The following DMD variants were observed in gnomAD, a reference collection of about 807,000 sequenced individuals.
DMD encodes dystrophin.
A neutral mutation model predicts 330.1 loss-of-function variants in DMD; 63 were observed. That is an observed-to-expected ratio of 0.19 (90% confidence interval 0.16 to 0.24). The LOEUF (loss-of-function observed/expected upper bound fraction) is 0.24. Ranked by LOEUF, DMD falls within the 10% of genes least tolerant of loss-of-function variation. The pLI, the probability that DMD is intolerant of heterozygous loss-of-function variation, is 1.00. For synonymous variants in DMD, 1,223 were observed against 959.8 expected (o/e 1.27, Z -5.07); for missense variants, 3,344 against 2,684.1 (o/e 1.25, Z -5.43).
rs58920881 is a variant in DMD, at chrX:32,784,006, T to TG, written c.649+25486dup. Among the ~76,000 whole-genome samples, 307 of 90,459 alleles carry TG rather than the reference T, an allele frequency of 3.4e-3. 1 individual carries two copies. The highest frequency in any genetic ancestry group is 4.9e-3 in the Non-Finnish European group (216 of 43,794). 78.6% of individuals were successfully genotyped at this position (90,459 alleles called of 115,157 possible). On this transcript the variant is annotated intron_variant, in intron 7 of 78. Coordinates refer to ENST00000357033, the MANE Select transcript of DMD (RefSeq NM_004006.3). ...ACATGGTTGATTCATGGAGCGGGGG[T>TG]GGGGGGGGGAAATACACACCTGGAA...
At chrX:31,889,102 T>C (rs894230230) in intron 47 of DMD, among the ~76,000 whole-genome samples, 2 of 111,885 alleles carry the variant, frequency 1.8e-5, no homozygotes, top group Non-Finnish European at 3.8e-5. Flanking sequence ...TATAATACAT[T>C]ACGAGGTAAA....
At chrX:31,692,807 T>C (rs2083210727) in intron 52 of DMD, among the ~76,000 whole-genome samples, 1 of 111,640 alleles carries the variant, frequency 9.0e-6, no homozygotes, top group Non-Finnish European at 1.9e-5. Context: ...AAAGGAAAGC[T>C]CAAGACCAGA....
intron 15 of DMD, among the ~76,000 whole-genome samples, chrX:32,572,356 G>A (rs1240006558): frequency 1.8e-5 from 2 of 111,306 alleles, no homozygotes; most frequent in African/African-American, 6.5e-5. Flanking sequence ...AATAATAAAG[G>A]TGAAATTATG....
At chrX:33,115,924 C>T (rs938330347) in intron 1 of DMD, among the ~76,000 whole-genome samples, 6 of 110,253 alleles carry the variant, frequency 5.4e-5, no homozygotes, top group Non-Finnish European at 1.1e-4. Context: ...GTGAGCACGG[C>T]GGCTCATGCC....
At chrX:32,691,792 G>A (rs188218552) in intron 9 of DMD, among the ~76,000 whole-genome samples, 1 of 111,290 alleles carries the variant, frequency 9.0e-6, no homozygotes, top group African/African-American at 3.3e-5. Context: ...TAAAGAAAAT[G>A]TGGTATATAC....
At chrX:32,418,972 CA>C (rs1160282195) in intron 29 of DMD, among the ~76,000 whole-genome samples, 416 of 13,435 alleles carry the variant, frequency 0.031, no homozygotes, top group South Asian at 0.053. Context: ...GACTCTGTCT[CA>C]AAAAAAAAAA....
intron 1 of DMD, among the ~76,000 whole-genome samples, chrX:33,245,490 T>C (rs1326873414): frequency 8.9e-6 from 1 of 111,960 alleles, no homozygotes; most frequent in East Asian, 2.8e-4. Context: ...TACCAAAAAA[T>C]AAAAGGAAAA....
At chrX:31,585,393 G>A (rs1257032119) in intron 55 of DMD, among the ~76,000 whole-genome samples, 2 of 107,534 alleles carry the variant, frequency 1.9e-5, no homozygotes, top group Non-Finnish European at 3.8e-5. Flanking sequence ...TGTTAGCTGC[G>A]AGGGACCCGA....
chrX:31,126,520 T>G lies in DMD; in HGVS notation c.11046+122A>C, dbSNP rs946638426. 3 of 604,068 alleles carry G rather than the reference T, an allele frequency of 5.0e-6. No homozygotes were observed. In the African/African-American group the frequency reaches 6.6e-5, roughly 13 times the overall value. The allele number at this position is 604,068 out of a possible 1,213,427, so 49.8% of individuals were successfully genotyped here. On this transcript the variant is annotated intron_variant, in intron 78 of 78. Coordinates refer to ENST00000357033, the MANE Select transcript of DMD (RefSeq NM_004006.3). The stretch of plus-strand genomic sequence containing the variant: ...TGGAGAGGTGACTACCATCCTTACA[T>G]GATGACACAATGTGTAATACACACA...
chrX:32,783,078 CA>C (rs1430047828), intron 7 of DMD, among the ~76,000 whole-genome samples: 6 of 101,403 alleles, frequency 5.9e-5, no homozygotes, highest in East Asian at 3.1e-4. Flanking sequence ...TATATATACA[CA>C]CACATATACA....
chrX:31,588,871 TG>T (rs1282199579), intron 55 of DMD, among the ~76,000 whole-genome samples: 5 of 93,323 alleles, frequency 5.4e-5, no homozygotes, highest in South Asian at 9.3e-4. Context: ...GCAAAGTCTA[TG>T]TTTTTTTTTT....
At chrX:32,285,466 T>C (rs1273031400) in intron 43 of DMD, among the ~76,000 whole-genome samples, 1 of 112,044 alleles carries the variant, frequency 8.9e-6, no homozygotes, top group Non-Finnish European at 1.9e-5. Flanking sequence ...CAGGCTGTAG[T>C]ACAGTGGCAC....
intron 47 of DMD, among the ~76,000 whole-genome samples, chrX:31,910,849 G>C (rs527774235): frequency 1.8e-5 from 2 of 112,439 alleles, no homozygotes; most frequent in African/African-American, 6.5e-5. Flanking sequence ...GGCAGCCTGA[G>C]TGAAAATGAC....
intron 15 of DMD, among the ~76,000 whole-genome samples, 191 bp from the exon 16 acceptor site, chrX:32,566,072 T>C (rs941547719): frequency 9.0e-6 from 1 of 111,643 alleles, no homozygotes; most frequent in African/African-American, 3.3e-5. Flanking sequence ...CCAAGAAGTT[T>C]GAAGAGAAAA....
intron 7 of DMD, among the ~76,000 whole-genome samples, chrX:32,802,400 G>T (rs1032344711): frequency 9.0e-6 from 1 of 111,584 alleles, no homozygotes; most frequent in African/African-American, 3.3e-5. Context: ...GGAGATTTTC[G>T]GCTGAGATGA....
intron 1 of DMD, chrX:33,159,459 C>G (rs1405174524): frequency 9.0e-6 from 1 of 111,289 alleles, no homozygotes; most frequent in Non-Finnish European, 1.9e-5. Flanking sequence ...CAACAGGCCC[C>G]AGTGTGTGAT....
intron 55 of DMD, among the ~76,000 whole-genome samples, chrX:31,622,877 T>TATATAC (rs1361969125): frequency 0.014 from 992 of 70,150 alleles, 15 homozygotes; most frequent in East Asian, 0.091. Flanking sequence ...TATATATATA[T>TATATAC]ACACACACAC....
chrX:32,856,662 G>A (rs1008187171), intron 2 of DMD, among the ~76,000 whole-genome samples: 4 of 111,948 alleles, frequency 3.6e-5, no homozygotes, highest in Non-Finnish European at 7.5e-5. Flanking sequence ...CCAGAGTGTA[G>A]TATGGGTAGT....
intron 12 of DMD, among the ~76,000 whole-genome samples, chrX:32,601,832 C>A (rs997700793): frequency 8.0e-5 from 9 of 112,015 alleles, no homozygotes; most frequent in Non-Finnish European, 1.3e-4. Context: ...TAAGGTAAAA[C>A]TGTTTTGCAT....
Sources: allele counts gnomAD v4.1 joint callset (sites outside exome capture counted in the v4.1 genomes callset), GRCh38; gene constraint gnomAD v4.1.1; transcripts MANE v1.5; gene names NCBI Gene and HGNC (gene_info 2026-07-23, HGNC 2026-07-21).